WWOX: variants seen among roughly 807,000 people sequenced by gnomAD.
WWOX encodes the protein WW domain-containing oxidoreductase.
A neutral mutation model predicts 46.2 loss-of-function variants in WWOX; 69 were observed. The ratio of observed to expected loss-of-function variants is 1.49; its 90% confidence interval spans 1.23 to 1.82. The LOEUF (loss-of-function observed/expected upper bound fraction) is 1.82, where lower values mean the gene tolerates loss of function less well. Ranked by LOEUF, WWOX falls within the 40% of genes most tolerant of loss-of-function variation. The pLI is 0.00. For synonymous variants in WWOX, 359 were observed against 202.6 expected, an observed-to-expected ratio of 1.77 and a Z score of -6.56; for missense variants, 919 against 542.6, an observed-to-expected ratio of 1.69 and a Z score of -6.89.
chr16:79,051,384 G>T (rs542558330), intron 8 of WWOX, among the ~76,000 whole-genome samples: 20 of 152,254 alleles, frequency 1.3e-4, no homozygotes, highest in African/African-American at 4.8e-4. Flanking sequence ...TCAGCAAGCC[G>T]CTGTCCTCCA....
chr16:78,755,321 T>C (rs1186309991), intron 8 of WWOX, among the ~76,000 whole-genome samples: 1 of 152,048 alleles, frequency 6.6e-6, no homozygotes, highest in African/African-American at 2.4e-5. Context: ...GAATGTCTTG[T>C]ACATTTCGAG....
intron 8 of WWOX, among the ~76,000 whole-genome samples, chr16:78,802,719 C>T (rs536074691): frequency 2.6e-5 from 4 of 151,586 alleles, no homozygotes; most frequent in Non-Finnish European, 5.9e-5. Context: ...AGTTCAAGAT[C>T]AGCCTGGGCA....
chr16:78,942,129 C>G (rs566028404), intron 8 of WWOX, among the ~76,000 whole-genome samples: 3 of 152,146 alleles, frequency 2.0e-5, no homozygotes, highest in African/African-American at 7.2e-5. Context: ...AAGCGCCCTC[C>G]TTTTCTAGTA....
At chr16:78,478,547 C>A (rs59824084) in intron 8 of WWOX, among the ~76,000 whole-genome samples, 5,138 of 152,036 alleles carry the variant, frequency 0.034, 161 homozygotes, top group African/African-American at 0.081. Context: ...ACTCTCCTCT[C>A]TCGAAGCTCC....
chr16:78,422,838 T>TAC (rs1227773079), intron 6 of WWOX, among the ~76,000 whole-genome samples: 4 of 96,482 alleles, frequency 4.1e-5, no homozygotes, highest in East Asian at 5.9e-4. Context: ...TATATATATA[T>TAC]ACATATACAC....
At chr16:78,250,904 G>A (rs2037967228) in intron 5 of WWOX, among the ~76,000 whole-genome samples, 1 of 152,086 alleles carries the variant, frequency 6.6e-6, no homozygotes, top group Admixed American at 6.5e-5. Context: ...CCAAACTCAG[G>A]ACCTCAATCC....
At chr16:79,015,811 G>A (rs573073776) in intron 8 of WWOX, among the ~76,000 whole-genome samples, 23 of 152,248 alleles carry the variant, frequency 1.5e-4, no homozygotes, top group South Asian at 1.5e-3. Context: ...GAGTGCAGCG[G>A]TGTGATCTTG....
intron 8 of WWOX, among the ~76,000 whole-genome samples, chr16:78,571,163 A>C (rs772814630): frequency 6.6e-6 from 1 of 152,250 alleles, no homozygotes; most frequent in Non-Finnish European, 1.5e-5. Context: ...ACTGAGGAAG[A>C]AAGGGGCAGT....
chr16:78,208,985 T>C (rs1567429424), intron 5 of WWOX, among the ~76,000 whole-genome samples: 2 of 151,972 alleles, frequency 1.3e-5, no homozygotes, highest in Non-Finnish European at 2.9e-5. Context: ...ATGGAAGGAG[T>C]GTGTTTAAAA....
chr16:78,267,666 A>C (rs1432077308), intron 5 of WWOX, among the ~76,000 whole-genome samples: 2 of 152,102 alleles, frequency 1.3e-5, no homozygotes, highest in African/African-American at 4.8e-5. Flanking sequence ...ACTGTCTTTT[A>C]AGAGACCTGC....
Position 78,472,043 on chromosome 16 carries a change from T to A in WWOX, c.1056+39291T>A, listed in dbSNP as rs76196609. On this transcript the variant is annotated intron_variant, in intron 8 of 8. Coordinates refer to ENST00000566780, the MANE Select transcript of WWOX (RefSeq NM_016373.4). ...TCCTTTGATTATTCTGGTTAGGTGT[T>A]ATGATGCCAATTTGCCCACACATTT... 4.2e-3 allele frequency among the ~76,000 whole-genome samples: 637 copies of A among 152,358 alleles called. 14 individuals carry two copies. The South Asian group carries it at 0.071, about 17-fold the overall frequency.
intron 8 of WWOX, among the ~76,000 whole-genome samples, chr16:79,015,792 G>A (rs1213929018): frequency 2.7e-5 from 4 of 146,400 alleles, no homozygotes; most frequent in Admixed American, 2.0e-4. Flanking sequence ...TCGCTCTGTC[G>A]CCAAGGTGGA....
intron 4 of WWOX, among the ~76,000 whole-genome samples, chr16:78,137,462 T>G (rs1218944840): frequency 6.6e-6 from 1 of 152,144 alleles, no homozygotes; most frequent in Non-Finnish European, 1.5e-5. Flanking sequence ...GCAACTAGTG[T>G]GGTGTCTGAC....
intron 8 of WWOX, among the ~76,000 whole-genome samples, chr16:79,176,326 G>T (rs1056777987): frequency 1.3e-5 from 2 of 152,204 alleles, no homozygotes; most frequent in Admixed American, 1.3e-4. Context: ...TCTGCATCCA[G>T]TCATCTGGTA....
At chr16:79,069,809 T>C (rs1410101510) in intron 8 of WWOX, among the ~76,000 whole-genome samples, 1 of 152,152 alleles carries the variant, frequency 6.6e-6, no homozygotes, top group Non-Finnish European at 1.5e-5. Context: ...ACCTGTGTTT[T>C]GCTAACTGGT....
intron 8 of WWOX, among the ~76,000 whole-genome samples, chr16:78,519,898 C>T (rs933693126): frequency 2.0e-5 from 3 of 152,224 alleles, no homozygotes; most frequent in South Asian, 2.1e-4. Flanking sequence ...ATTTTGGGAT[C>T]GCAGCGTGAA....
At chr16:78,649,468 G>A (rs1405058618) in intron 8 of WWOX, among the ~76,000 whole-genome samples, 3 of 151,900 alleles carry the variant, frequency 2.0e-5, no homozygotes, top group Admixed American at 6.6e-5. Context: ...AAAATGGTGG[G>A]GTATTACTCT....
intron 8 of WWOX, among the ~76,000 whole-genome samples, chr16:78,463,004 C>A (rs760803663): frequency 6.6e-6 from 1 of 152,204 alleles, no homozygotes; most frequent in Non-Finnish European, 1.5e-5. Context: ...TTTGCAGGCG[C>A]AGTGACATTT....
intron 8 of WWOX, among the ~76,000 whole-genome samples, chr16:78,857,869 C>G (rs937108947): frequency 3.9e-5 from 6 of 152,172 alleles, no homozygotes; most frequent in African/African-American, 1.2e-4. Context: ...AAATTAAACA[C>G]ATGCCTTTTG....
Sources: gnomAD v4.1 joint callset for allele counts (sites outside exome capture counted in the v4.1 genomes callset) on GRCh38, gnomAD v4.1.1 for gene constraint, MANE v1.5 for transcripts, NCBI Gene and HGNC (gene_info 2026-07-23, HGNC 2026-07-21) for gene names.